CHN1: variants seen among roughly 807,000 people sequenced by gnomAD.
The protein encoded by CHN1 is N-chimaerin.
Under a neutral mutation model 59.5 loss-of-function variants are expected in CHN1, and 37 were observed. The observed-to-expected ratio is 0.62, with a 90% CI of 0.48 to 0.82. The LOEUF is 0.82. Among genes scored for constraint, CHN1 ranks in the 40% least tolerant of loss-of-function variants. The probability of loss-of-function intolerance (pLI) is 0.00; values close to 1 mark genes in which losing one functional copy is unlikely to be tolerated. For missense variants in CHN1, 469 were observed against 571.0 expected, an observed-to-expected ratio of 0.82 and a Z score of 1.82; for synonymous variants, 206 against 200.4, an observed-to-expected ratio of 1.03 and a Z score of -0.24.
chr2:174,800,596 T>C (rs1684688594), intron 12 of CHN1, among the ~76,000 whole-genome samples: 1 of 152,200 alleles, frequency 6.6e-6, no homozygotes, highest in African/African-American at 2.4e-5. Flanking sequence ...AAACCTACAT[T>C]TGCAAATAGC....
intron 7 of CHN1, among the ~76,000 whole-genome samples, chr2:174,827,303 A>T (rs1380008068): frequency 1.3e-5 from 2 of 152,228 alleles, no homozygotes; most frequent in East Asian, 1.9e-4. Context: ...TGATCTATAC[A>T]AAAATAAAAA....
intron 4 of CHN1, among the ~76,000 whole-genome samples, chr2:174,917,429 C>T (rs527940236): frequency 6.6e-6 from 1 of 150,662 alleles, no homozygotes; most frequent in East Asian, 1.9e-4. Context: ...AGCGAAACTC[C>T]ATCTTAAAAA....
chr2:174,822,970 C>G (rs1184819987), intron 8 of CHN1, among the ~76,000 whole-genome samples: 1 of 152,196 alleles, frequency 6.6e-6, no homozygotes, highest in Non-Finnish European at 1.5e-5. Context: ...TGCCTGGAAC[C>G]TTATTACATT....
At chr2:174,824,940 G>A (rs1430848021) in intron 7 of CHN1, among the ~76,000 whole-genome samples, 1 of 152,162 alleles carries the variant, frequency 6.6e-6, no homozygotes, top group East Asian at 1.9e-4. Flanking sequence ...CAACATGGCT[G>A]CATTTAAAAG....
chr2:174,878,875 G>T (rs973629388), intron 5 of CHN1, among the ~76,000 whole-genome samples: 1 of 152,198 alleles, frequency 6.6e-6, no homozygotes, highest in African/African-American at 2.4e-5. Context: ...AAGAATAATG[G>T]TTTACTTTTA....
At chr2:174,946,597 T>C (rs1291999821) in intron 2 of CHN1, among the ~76,000 whole-genome samples, 2 of 152,152 alleles carry the variant, frequency 1.3e-5, no homozygotes, top group Non-Finnish European at 2.9e-5. Context: ...GTTTTATATA[T>C]TGTTACAGAG....
chr2:174,839,200 TCA>T lies in CHN1; in HGVS notation c.627+7678_627+7679del, dbSNP rs146210800. Among the ~76,000 whole-genome samples, 355 of 152,230 alleles carry T rather than the reference TCA, an allele frequency of 2.3e-3. 3 individuals are homozygous for T. The highest frequency in any genetic ancestry group is 8.0e-3 in the African/African-American group (333 of 41,512). On this transcript the variant is annotated intron_variant, in intron 7 of 12. Transcript: ENST00000409900. The stretch of plus-strand genomic sequence containing the variant: ...TAGTGAGAACACTTAAAATCTACTC[TCA>T]GAGAGATTTTATTCTCAATGTATTC...
At chr2:174,806,437 A>G (rs948708034) in intron 11 of CHN1, among the ~76,000 whole-genome samples, 36 of 152,304 alleles carry the variant, frequency 2.4e-4, no homozygotes, top group African/African-American at 6.7e-4. Flanking sequence ...TGAGAGAGAA[A>G]AAAAATTTTG....
intron 6 of CHN1, among the ~76,000 whole-genome samples, chr2:174,866,832 A>C (rs1395538559): frequency 6.6e-6 from 1 of 152,190 alleles, no homozygotes; most frequent in Non-Finnish European, 1.5e-5. Flanking sequence ...TAGTTTTATA[A>C]TTTTAAAGAT....
chr2:174,949,161 A>C (rs549768100), intron 2 of CHN1, among the ~76,000 whole-genome samples: 2 of 151,600 alleles, frequency 1.3e-5, no homozygotes, highest in Admixed American at 1.3e-4. Flanking sequence ...CATCTTACTG[A>C]AGATTATTTA....
At chr2:174,998,982 T>G (rs1279878357) in intron 1 of CHN1, among the ~76,000 whole-genome samples, 3 of 152,204 alleles carry the variant, frequency 2.0e-5, no homozygotes, top group African/African-American at 7.2e-5. Flanking sequence ...TGGTTTTTAG[T>G]GTATTCACAA....
intron 5 of CHN1, among the ~76,000 whole-genome samples, chr2:174,904,713 T>C (rs372066638): frequency 2.2e-4 from 33 of 152,338 alleles, no homozygotes; most frequent in African/African-American, 7.7e-4. Context: ...ACAAGTTATA[T>C]TTCTCAGTTT....
chr2:174,904,378 T>C (rs1574147739), intron 5 of CHN1, among the ~76,000 whole-genome samples: 2 of 152,220 alleles, frequency 1.3e-5, no homozygotes, highest in East Asian at 3.8e-4. Flanking sequence ...TGACTGTTTT[T>C]GAATTTTTTG....
chr2:174,801,269 A>G (rs1420865164), intron 12 of CHN1, among the ~76,000 whole-genome samples: 1 of 152,216 alleles, frequency 6.6e-6, no homozygotes, highest in African/African-American at 2.4e-5. Flanking sequence ...CAATAATTCA[A>G]TAATCGAAAA....
chr2:174,968,351 A>C (rs936870633), intron 1 of CHN1, among the ~76,000 whole-genome samples: 1 of 152,250 alleles, frequency 6.6e-6, no homozygotes, highest in African/African-American at 2.4e-5. Flanking sequence ...TAGATTATAA[A>C]CTGTAGAGCC....
chr2:174,971,941 G>A (rs1242349482), intron 1 of CHN1, among the ~76,000 whole-genome samples: 1 of 152,208 alleles, frequency 6.6e-6, no homozygotes, highest in African/African-American at 2.4e-5. Context: ...GCTCATATGA[G>A]CAGGAGAAAG....
intron 3 of CHN1, among the ~76,000 whole-genome samples, chr2:174,920,404 A>G (rs184126236): frequency 6.6e-6 from 1 of 152,306 alleles, no homozygotes; most frequent in Non-Finnish European, 1.5e-5. Context: ...GAGATTACGT[A>G]ACTTATTCAA....
chr2:174,841,229 G>C (rs1378801718), intron 7 of CHN1, among the ~76,000 whole-genome samples: 3 of 152,078 alleles, frequency 2.0e-5, no homozygotes, highest in Admixed American at 2.0e-4. Flanking sequence ...ACTTGTACTC[G>C]GGGTGTCATA....
chr2:174,878,191 A>C (rs1687631491), intron 5 of CHN1, 63 bp from the exon 6 acceptor site: 11 of 1,432,160 alleles, frequency 7.7e-6, no homozygotes, highest in East Asian at 4.7e-5. Context: ...CTTTCTGAAA[A>C]AAAAACAAAA....
Sources: gnomAD v4.1 joint callset for allele counts (sites outside exome capture counted in the v4.1 genomes callset) on GRCh38, gnomAD v4.1.1 for gene constraint, MANE v1.5 for transcripts, NCBI Gene and HGNC (gene_info 2026-07-23, HGNC 2026-07-21) for gene names.